LRRC7: variants seen among roughly 807,000 people sequenced by gnomAD.
LRRC7 encodes the protein leucine-rich repeat-containing protein 7.
Under a neutral mutation model 175.7 loss-of-function variants are expected in LRRC7, and 23 were observed. That is an observed-to-expected ratio of 0.13 (90% CI 0.09 to 0.19). The LOEUF is 0.19. Ranked by LOEUF, LRRC7 falls within the 10% of genes least tolerant of loss-of-function variation. The pLI, the probability that LRRC7 is intolerant of heterozygous loss-of-function variation, is 1.00. For missense variants in LRRC7, 1,354 were observed against 1,904.7 expected (o/e 0.71, Z 5.38); for synonymous variants, 685 against 680.9 (o/e 1.01, Z -0.09).
chr1:70,119,741 T>A (rs1426508730), intron 26 of LRRC7, among the ~76,000 whole-genome samples: 1 of 152,124 alleles, frequency 6.6e-6, no homozygotes, highest in Non-Finnish European at 1.5e-5. Flanking sequence ...AAATTTTTTA[T>A]TTCTTTAACT....
At chr1:69,895,153 A>C (rs1248632198) in intron 7 of LRRC7, among the ~76,000 whole-genome samples, 1 of 152,020 alleles carries the variant, frequency 6.6e-6, no homozygotes. Flanking sequence ...AATCGCTTGA[A>C]CCCAGGTGGC....
intron 1 of LRRC7, among the ~76,000 whole-genome samples, chr1:69,603,903 G>A (rs569254101): frequency 6.2e-4 from 94 of 151,654 alleles, no homozygotes; most frequent in East Asian, 2.3e-3. Flanking sequence ...TTTATTCTTC[G>A]TAGTTTGATA....
At chr1:69,944,528 C>G (rs983870800) in intron 8 of LRRC7, among the ~76,000 whole-genome samples, 1 of 152,040 alleles carries the variant, frequency 6.6e-6, no homozygotes, top group Non-Finnish European at 1.5e-5. Flanking sequence ...TATCCAAAAG[C>G]ATGATTGCTG....
chr1:70,012,951 C>A, intron 12 of LRRC7, 23 bp from the exon 13 acceptor site: 3 of 1,282,922 alleles, frequency 2.3e-6, no homozygotes, highest in Admixed American at 2.1e-5. Flanking sequence ...ATTTTTTTAC[C>A]TATTTTCTTT....
At chr1:69,584,308 T>C (rs1000854252) in intron 1 of LRRC7, among the ~76,000 whole-genome samples, 2 of 152,136 alleles carry the variant, frequency 1.3e-5, no homozygotes, top group African/African-American at 2.4e-5. Flanking sequence ...TTACTACTCT[T>C]TGTTGCCTAA....
At position 70,130,040 on chromosome 1, in the gene LRRC7, A is replaced by C. The variant is rs527738750; in HGVS notation, c.*8153A>C. ...GCCTTCAGAGCCCAGCTCAAACAGC[A>C]CTAGAACCATGAAACCCTCCCTAGT... On this transcript the variant is annotated 3_prime_UTR_variant, in exon 27 of 27. Transcript: ENST00000651989. 6.6e-6 allele frequency: 1 copy of C among 152,318 alleles called. No homozygotes were observed. The highest frequency in any genetic ancestry group is 6.5e-5 in the Admixed American group (1 of 15,304). The allele number at this position is 152,318 out of a possible 1,614,324, so 9.4% of individuals were successfully genotyped here.
At chr1:69,740,763 C>A (rs1450675866) in intron 2 of LRRC7, among the ~76,000 whole-genome samples, 1 of 151,964 alleles carries the variant, frequency 6.6e-6, no homozygotes, top group African/African-American at 2.4e-5. Flanking sequence ...GTACAGAAAA[C>A]CTTTAGTCCG....
At chr1:69,978,220 T>C (rs1218741915) in intron 8 of LRRC7, among the ~76,000 whole-genome samples, 3 of 151,158 alleles carry the variant, frequency 2.0e-5, no homozygotes, top group Non-Finnish European at 4.4e-5. Context: ...GAGGCAGAGG[T>C]TGCAGTGAGC....
chr1:70,038,804 G>A lies in LRRC7; in HGVS notation c.2980G>A (p.Gly994Ser). 1 of 1,613,972 alleles carries A rather than the reference G, an allele frequency of 6.2e-7. No individual in the cohort carries two copies. Among genetic ancestry groups the A allele is most frequent in the Non-Finnish European group, 8.5e-7 (1 of 1,179,992 alleles). The change falls in exon 21 of 27, where the codon GGT becomes AGT. Residue 994 changes from glycine (G) to serine (S), a missense_variant. Physicochemically the swap from Gly to Ser is moderately conservative, Grantham distance 56 (BLOSUM62 0). Around this residue, in one of 4 missense-constraint regions of LRRC7, gnomAD observed 1,032 missense variants for 1,227.2 expected, o/e 0.84. Transcript: ENST00000651989. The stretch of plus-strand genomic sequence containing the variant: ...ACAGAGTATCGATGAGATTGACATT[G>A]GTACATATAAGGTGTATAACATACC... Reference protein sequence around the residue: ...KSQSIDEIDIGTYKVYNIPLE... With the variant: ...KSQSIDEIDISTYKVYNIPLE...
chr1:69,646,312 C>T (rs1570144464), intron 1 of LRRC7, among the ~76,000 whole-genome samples: 1 of 152,020 alleles, frequency 6.6e-6, no homozygotes, highest in Middle Eastern at 3.4e-3. Context: ...GCATAGATTT[C>T]TACTTAAGCC....
chr1:69,780,074 A>G (rs1034475022), intron 3 of LRRC7, among the ~76,000 whole-genome samples: 1 of 152,140 alleles, frequency 6.6e-6, no homozygotes, highest in Non-Finnish European at 1.5e-5. Context: ...TTTCATCTGG[A>G]TGTTTTCTAA....
Position 69,674,344 on chromosome 1 carries a change from G to T in LRRC7, c.3-4037G>T, listed in dbSNP as rs901515812. Among the ~76,000 whole-genome samples the T allele has an allele frequency of 3.9e-5, 6 of 152,076 alleles. No homozygotes were observed. The East Asian group carries it at 1.2e-3, about 29-fold the overall frequency. On this transcript the variant is annotated intron_variant, in intron 1 of 26. Transcript: ENST00000651989. ...TGAGCCTTCTTCTACTTCTGATGAG[G>T]CCATGAGCAAGTCACTGAGCATATC...
At chr1:69,657,311 C>T (rs937647903) in intron 1 of LRRC7, among the ~76,000 whole-genome samples, 1 of 151,800 alleles carries the variant, frequency 6.6e-6, no homozygotes, top group African/African-American at 2.4e-5. Flanking sequence ...TTTAAGACAA[C>T]AATTTATTGG....
At chr1:69,863,883 A>G (rs944016107) in intron 7 of LRRC7, among the ~76,000 whole-genome samples, 2 of 152,096 alleles carry the variant, frequency 1.3e-5, no homozygotes, top group Admixed American at 1.3e-4. Context: ...ATTCAAGAAA[A>G]TGTTTCTACA....
At chr1:69,907,720 C>G (rs1001552104) in intron 7 of LRRC7, among the ~76,000 whole-genome samples, 6 of 152,158 alleles carry the variant, frequency 3.9e-5, no homozygotes, top group Admixed American at 3.3e-4. Flanking sequence ...GTCTAAAATT[C>G]TCTTTTTTGG....
chr1:69,952,818 C>T (rs890679414), intron 8 of LRRC7, among the ~76,000 whole-genome samples: 8 of 151,732 alleles, frequency 5.3e-5, no homozygotes, highest in Admixed American at 4.0e-4. Flanking sequence ...GTGCGTGGTC[C>T]TCCTACATGC....
intron 23 of LRRC7, among the ~76,000 whole-genome samples, chr1:70,068,134 C>G (rs536699394): frequency 1.3e-4 from 20 of 152,100 alleles, no homozygotes; most frequent in Non-Finnish European, 1.9e-4. Context: ...CTACAACTTT[C>G]AGCACTATGC....
chr1:69,646,229 T>C (rs1654991929), intron 1 of LRRC7, among the ~76,000 whole-genome samples: 1 of 152,108 alleles, frequency 6.6e-6, no homozygotes, highest in Admixed American at 6.6e-5. Context: ...CTTATATATT[T>C]ATTTTACTTT....
intron 7 of LRRC7, among the ~76,000 whole-genome samples, chr1:69,920,689 C>G (rs565321252): frequency 8.5e-5 from 13 of 152,092 alleles, no homozygotes; most frequent in Admixed American, 3.9e-4. Flanking sequence ...TGCAGAAAGA[C>G]CTCTGGTCTT....
Sources: allele counts gnomAD v4.1 joint callset (sites outside exome capture counted in the v4.1 genomes callset), GRCh38; gene constraint gnomAD v4.1.1; regional missense constraint gnomAD v4.1.1; transcripts MANE v1.5; gene names NCBI Gene and HGNC (gene_info 2026-07-23, HGNC 2026-07-21).